STX12: variants seen among roughly 807,000 people sequenced by gnomAD.
STX12 encodes syntaxin 12.
In STX12, 17 loss-of-function variants were observed where a neutral mutation model predicts 42.2. The observed-to-expected ratio is 0.40, with a 90% CI of 0.28 to 0.60. The LOEUF (loss-of-function observed/expected upper bound fraction) is 0.60. Among genes scored for constraint, STX12 ranks in the 20% least tolerant of loss-of-function variants. The probability of loss-of-function intolerance (pLI) is 0.39; values close to 1 mark genes in which losing one functional copy is unlikely to be tolerated. For synonymous variants in STX12, 108 were observed against 116.7 expected, an observed-to-expected ratio of 0.93 and a Z score of 0.48; for missense variants, 297 against 330.9, an observed-to-expected ratio of 0.90 and a Z score of 0.79.
intron 1 of STX12, among the ~76,000 whole-genome samples, chr1:27,783,798 T>C (rs2088683209): frequency 6.6e-6 from 1 of 152,220 alleles, no homozygotes; most frequent in Non-Finnish European, 1.5e-5. Flanking sequence ...CATAAAACCT[T>C]CATTTAGTAG....
chr1:27,790,643 A>C (rs2148599660), intron 2 of STX12, among the ~76,000 whole-genome samples: 1 of 152,296 alleles, frequency 6.6e-6, no homozygotes, highest in South Asian at 2.1e-4. Context: ...AGATGATTTA[A>C]AGTATATGGA....
intron 1 of STX12, among the ~76,000 whole-genome samples, chr1:27,777,385 G>C (rs537170911): frequency 6.6e-6 from 1 of 152,310 alleles, no homozygotes; most frequent in East Asian, 1.9e-4. Context: ...AGTTTGGCTG[G>C]AGTACCGTTA....
At chr1:27,773,464 CG>C in intron 1 of STX12, 39 bp downstream of exon 1, 1 of 1,589,786 alleles carries the variant, frequency 6.3e-7, no homozygotes, top group Non-Finnish European at 8.6e-7. Flanking sequence ...GGAGCTGTCC[CG>C]GGGACAGGCC....
chr1:27,804,191 C>T (rs552430047), intron 4 of STX12, among the ~76,000 whole-genome samples: 205 of 147,664 alleles, frequency 1.4e-3, no homozygotes, highest in Non-Finnish European at 2.4e-3. Flanking sequence ...TTTGGGAGGC[C>T]GAGGCGGGTG....
At chr1:27,778,375 G>C (rs1388052184) in intron 1 of STX12, among the ~76,000 whole-genome samples, 1 of 152,196 alleles carries the variant, frequency 6.6e-6, no homozygotes, top group Non-Finnish European at 1.5e-5. Context: ...TAGCCTCAAA[G>C]TTAACTCTGA....
intron 3 of STX12, among the ~76,000 whole-genome samples, chr1:27,799,488 T>TG (rs1491112005): frequency 6.7e-6 from 1 of 148,708 alleles, no homozygotes; most frequent in Non-Finnish European, 1.5e-5. Flanking sequence ...TTTTTTTTTT[T>TG]GTTTTTTTTT....
chr1:27,815,315 A>C (rs1239879423), intron 6 of STX12, among the ~76,000 whole-genome samples: 1 of 152,188 alleles, frequency 6.6e-6, no homozygotes, highest in Non-Finnish European at 1.5e-5. Context: ...TTTCATATTC[A>C]ACAGAGGAAA....
chr1:27,787,229 C>T (rs2088704866), intron 1 of STX12, among the ~76,000 whole-genome samples: 1 of 152,172 alleles, frequency 6.6e-6, no homozygotes, highest in African/African-American at 2.4e-5. Flanking sequence ...GTATCCCCAA[C>T]AATGCAGTAA....
At chr1:27,780,423 G>A (rs970287591) in intron 1 of STX12, among the ~76,000 whole-genome samples, 3 of 151,720 alleles carry the variant, frequency 2.0e-5, no homozygotes, top group Admixed American at 6.6e-5. Flanking sequence ...GGCCAGGCTG[G>A]TCTTGAACTC....
chr1:27,822,476 G>A lies in STX12; in HGVS notation c.*147G>A. 1 of 583,094 alleles carries A rather than the reference G, an allele frequency of 1.7e-6. No homozygotes were observed. Among genetic ancestry groups the A allele is most frequent in the Non-Finnish European group, 3.1e-6 (1 of 321,518 alleles). 36.1% of individuals were successfully genotyped at this position (583,094 alleles called of 1,614,324 possible). On this transcript the variant is annotated 3_prime_UTR_variant, in exon 9 of 9. Coordinates refer to ENST00000373943, the MANE Select transcript of STX12 (RefSeq NM_177424.3). Reference sequence around the variant, plus strand: ...GAAACTAACTACTAACTAGTCTTTGGAATTCGTGACCTATGGAGACAGTAA... The same window carrying A: ...GAAACTAACTACTAACTAGTCTTTGAAATTCGTGACCTATGGAGACAGTAA...
intron 3 of STX12, among the ~76,000 whole-genome samples, chr1:27,797,023 C>CT (rs201765284): frequency 6.1e-4 from 89 of 146,328 alleles, no homozygotes; most frequent in African/African-American, 9.4e-4. Flanking sequence ...TTTTTATTCA[C>CT]TTTTTTTTTT....
chr1:27,791,284 A>G (rs891633660), intron 2 of STX12, among the ~76,000 whole-genome samples: 3 of 152,086 alleles, frequency 2.0e-5, no homozygotes, highest in Non-Finnish European at 4.4e-5. Flanking sequence ...TAAATAAAGT[A>G]TATGGAAGGA....
intron 8 of STX12, among the ~76,000 whole-genome samples, chr1:27,821,625 T>C (rs567579750): frequency 6.6e-6 from 1 of 152,230 alleles, no homozygotes; most frequent in Admixed American, 6.5e-5. Flanking sequence ...AAAATACACA[T>C]GCACAAATAA....
rs1443111273 is a variant in STX12 at position 27,822,222 on chromosome 1, T to C, written c.733-9T>C. 1.3e-6 allele frequency: 2 copies of C among 1,570,518 alleles called. No homozygotes were observed. Among genetic ancestry groups the C allele is most frequent in the African/African-American group, 2.7e-5 (2 of 74,108 alleles). On this transcript the variant is annotated splice_polypyrimidine_tract_variant and intron_variant, in intron 8 of 8. Transcript: ENST00000373943. ...CATGAGTATCTTGTTTACATATTTC[T>C]TTCCTCAGAAAAAATCTCGCAAGAA... is the stretch of plus-strand genomic sequence containing the variant.
At chr1:27,819,905 CA>C (rs1223848935) in intron 8 of STX12, 173 bp downstream of exon 8, 1 of 540,064 alleles carries the variant, frequency 1.9e-6, no homozygotes, top group Non-Finnish European at 3.3e-6. Flanking sequence ...GATAGATCTA[CA>C]AAAAATAATC....
rs17162805 is a variant in STX12 at position 27,810,296 on chromosome 1, G to C, written c.470+7G>C. The C allele has an allele frequency of 1.4e-5, 23 of 1,611,394 alleles. No individual in the cohort carries two copies. The Admixed American group carries it at 2.0e-4, about 14-fold the overall frequency. On this transcript the variant is annotated splice_region_variant and intron_variant, in intron 5 of 8. Coordinates refer to ENST00000373943, the MANE Select transcript of STX12 (RefSeq NM_177424.3). The stretch of plus-strand genomic sequence containing the variant: ...AGCTGGTCTCATTTGACAGGTAATA[G>C]AATTATTCATACAACCTGCTGGATA...
At chr1:27,794,009 AATT>A (rs1471396706) in intron 3 of STX12, among the ~76,000 whole-genome samples, 5 of 125,584 alleles carry the variant, frequency 4.0e-5, no homozygotes, top group Admixed American at 1.5e-4. Context: ...TTTTTTTTTT[AATT>A]ATTATTATTT....
chr1:27,782,548 A>G (rs766631514), intron 1 of STX12, among the ~76,000 whole-genome samples: 3 of 152,016 alleles, frequency 2.0e-5, no homozygotes, highest in Non-Finnish European at 4.4e-5. Flanking sequence ...TATTTTTTAA[A>G]GTCAGGTTGA....
rs953649003 is a variant in STX12, at chr1:27,803,244, G to T, written c.426+1429G>T. On this transcript the variant is annotated intron_variant, in intron 4 of 8. Coordinates refer to ENST00000373943, the MANE Select transcript of STX12 (RefSeq NM_177424.3). ...AAGAAGCCTAACAAATCCCAAGCAG[G>T]ATAAATAAAATCTCTAATCTAGATA... 1.1e-4 allele frequency among the ~76,000 whole-genome samples: 17 copies of T among 152,158 alleles called. 1 individual carries two copies. The highest frequency in any genetic ancestry group is 3.4e-3 in the Middle Eastern group (1 of 294).
Sources: allele counts gnomAD v4.1 joint callset (sites outside exome capture counted in the v4.1 genomes callset), GRCh38; gene constraint gnomAD v4.1.1; transcripts MANE v1.5; gene names NCBI Gene and HGNC (gene_info 2026-07-23, HGNC 2026-07-21).